Variants in TEK observed in about 807,000 individuals in gnomAD.
TEK encodes TEK receptor tyrosine kinase.
Under a neutral mutation model 131.8 loss-of-function variants are expected in TEK, and 43 were observed. The ratio of observed to expected loss-of-function variants is 0.33; its 90% confidence interval spans 0.26 to 0.42. The LOEUF (loss-of-function observed/expected upper bound fraction) is 0.42. Among genes scored for constraint, TEK ranks in the 10% least tolerant of loss-of-function variants. The probability of loss-of-function intolerance (pLI) is 1.00; values close to 1 mark genes in which losing one functional copy is unlikely to be tolerated. For missense variants in TEK, 1,162 were observed against 1,384.4 expected (o/e 0.84, Z 2.55); for synonymous variants, 580 against 491.6 (o/e 1.18, Z -2.38).
intron 1 of TEK, among the ~76,000 whole-genome samples, chr9:27,148,664 G>A (rs1823021237): frequency 6.6e-6 from 1 of 152,176 alleles, no homozygotes; most frequent in African/African-American, 2.4e-5. Context: ...TTCAAGAGAT[G>A]GAGAAAGAAA....
intron 1 of TEK, among the ~76,000 whole-genome samples, chr9:27,118,123 A>T (rs746349910): frequency 6.6e-6 from 1 of 152,174 alleles, no homozygotes; most frequent in East Asian, 1.9e-4. Flanking sequence ...GGAATCTGGG[A>T]TGGGCTTCAA....
intron 2 of TEK, 125 bp downstream of exon 2, chr9:27,158,267 C>T (rs1224264790): frequency 8.7e-7 from 1 of 1,146,674 alleles, no homozygotes; most frequent in East Asian, 2.4e-5. Flanking sequence ...ACGATCTTGC[C>T]TGTCTCTTTC....
At chr9:27,158,938 C>A (rs576767430) in intron 2 of TEK, among the ~76,000 whole-genome samples, 1 of 152,294 alleles carries the variant, frequency 6.6e-6, no homozygotes, top group Admixed American at 6.5e-5. Context: ...GGATTACAGG[C>A]GTGAGCCACC....
intron 4 of TEK, 109 bp downstream of exon 4, chr9:27,169,738 A>T: frequency 1.4e-6 from 2 of 1,474,404 alleles, no homozygotes; most frequent in Non-Finnish European, 1.9e-6. Context: ...AAAACCAGGC[A>T]TTGGTTGGAG....
At position 27,229,768 on chromosome 9, in the gene TEK, C is replaced by T. The variant is rs535524868; in HGVS notation, c.*536C>T. On this transcript the variant is annotated 3_prime_UTR_variant, in exon 23 of 23. Coordinates refer to ENST00000380036, the MANE Select transcript of TEK (RefSeq NM_000459.5). ...ATTCTTCTCTCTCAATTTTATCCCT[C>T]ACCTGTAGCAGCCAGTCCCGTTTCA... The T allele has an allele frequency of 4.9e-4, 80 of 164,658 alleles. 1 individual carries two copies. In the South Asian group the frequency reaches 0.012, roughly 26 times the overall value. The allele number at this position is 164,658 out of a possible 1,614,324, so 10.2% of individuals were successfully genotyped here.
intron 1 of TEK, among the ~76,000 whole-genome samples, chr9:27,147,228 G>T (rs1587516580): frequency 6.6e-6 from 1 of 152,018 alleles, no homozygotes; most frequent in Admixed American, 6.5e-5. Flanking sequence ...TTAGCACTGG[G>T]TATTATCAGG....
At chr9:27,191,195 C>A (rs1305271144) in intron 10 of TEK, among the ~76,000 whole-genome samples, 2 of 151,964 alleles carry the variant, frequency 1.3e-5, no homozygotes, top group African/African-American at 2.4e-5. Flanking sequence ...GGAATTTGAA[C>A]CTGCAAAGTT....
chr9:27,113,260 G>A (rs186743083), intron 1 of TEK, among the ~76,000 whole-genome samples: 2 of 152,244 alleles, frequency 1.3e-5, no homozygotes, highest in East Asian at 1.9e-4. Flanking sequence ...ATGTGATAAT[G>A]CCTGTGAAAT....
At chr9:27,213,434 C>T in intron 17 of TEK, 50 bp from the exon 18 acceptor site, 2 of 1,397,606 alleles carry the variant, frequency 1.4e-6, no homozygotes, top group Non-Finnish European at 2.0e-6. Context: ...AGTTTTCAGC[C>T]CTGGGGCTTT....
At chr9:27,188,552 CTTACAGCA>C in intron 9 of TEK, among the ~76,000 whole-genome samples, 1 of 152,266 alleles carries the variant, frequency 6.6e-6, no homozygotes, top group Admixed American at 6.5e-5. Context: ...AACAAATTTA[CTTACAGCA>C]CTGCCCTCCT....
intron 13 of TEK, among the ~76,000 whole-genome samples, chr9:27,204,163 C>T (rs575788541): frequency 1.3e-5 from 2 of 152,278 alleles, no homozygotes; most frequent in Non-Finnish European, 1.5e-5. Flanking sequence ...CCATTCTAGA[C>T]ATCTCTGTAT....
intron 21 of TEK, among the ~76,000 whole-genome samples, chr9:27,224,765 G>C (rs1826241540): frequency 2.0e-5 from 3 of 152,136 alleles, no homozygotes; most frequent in South Asian, 4.1e-4. Context: ...AGGGCAGTCA[G>C]GCAAGAGAAA....
chr9:27,165,227 A>G (rs1348036720), intron 2 of TEK, among the ~76,000 whole-genome samples: 1 of 152,214 alleles, frequency 6.6e-6, no homozygotes, highest in Admixed American at 6.5e-5. Flanking sequence ...TCAGAACACA[A>G]TACTGAGTGA....
At chr9:27,110,744 C>G (rs561160407) in intron 1 of TEK, among the ~76,000 whole-genome samples, 2 of 152,180 alleles carry the variant, frequency 1.3e-5, no homozygotes, top group Admixed American at 1.3e-4. Context: ...TGTTTTATAG[C>G]TCTCAACAAC....
At chr9:27,190,119 C>G (rs1034458528) in intron 9 of TEK, among the ~76,000 whole-genome samples, 3 of 152,082 alleles carry the variant, frequency 2.0e-5, no homozygotes, top group African/African-American at 7.2e-5. Context: ...CACAATCAAT[C>G]TAAAGAAAGG....
intron 13 of TEK, among the ~76,000 whole-genome samples, chr9:27,204,108 A>C (rs1825317777): frequency 6.6e-6 from 1 of 152,224 alleles, no homozygotes. Flanking sequence ...TACATAAAAT[A>C]CCAAGAGAAA....
rs1355639576 is a variant in TEK, at chr9:27,145,961, G to T, written c.53-11870G>T. On this transcript the variant is annotated intron_variant, in intron 1 of 22. Transcript: ENST00000380036. ...AAGCAATAAGTGAATATCTTCTATG[G>T]TGCTGCTTCTCTCAGCCCCCATGTG... is the stretch of plus-strand genomic sequence containing the variant. Among the ~76,000 whole-genome samples, 11 of 152,212 alleles carry T rather than the reference G, an allele frequency of 7.2e-5. No homozygotes were observed. In the East Asian group the frequency reaches 2.1e-3, roughly 29 times the overall value.
intron 1 of TEK, among the ~76,000 whole-genome samples, chr9:27,142,830 G>C (rs1178822722): frequency 6.6e-6 from 1 of 152,186 alleles, no homozygotes; most frequent in African/African-American, 2.4e-5. Flanking sequence ...CTCATCCGTG[G>C]TATGGAGGTA....
chr9:27,121,871 TAAC>T (rs1483718874), intron 1 of TEK, among the ~76,000 whole-genome samples: 5 of 152,130 alleles, frequency 3.3e-5, no homozygotes, highest in Admixed American at 6.5e-5. Flanking sequence ...TCCAAAGAAA[TAAC>T]AAAAGCATTT....
Sources: allele counts gnomAD v4.1 joint callset (sites outside exome capture counted in the v4.1 genomes callset), GRCh38; gene constraint gnomAD v4.1.1; transcripts MANE v1.5; gene names NCBI Gene and HGNC (gene_info 2026-07-23, HGNC 2026-07-21).